Variants in PATJ observed in about 807,000 individuals in gnomAD.
The protein encoded by PATJ is PATJ crumbs cell polarity complex component.
A neutral mutation model predicts 224.9 loss-of-function variants in PATJ; 190 were observed. The observed-to-expected ratio is 0.84, with a 90% CI of 0.75 to 0.95. PATJ has a LOEUF of 0.95. Ranked by LOEUF, PATJ falls within the 40% of genes least tolerant of loss-of-function variation. The probability of loss-of-function intolerance (pLI) is 0.00; values close to 1 mark genes in which losing one functional copy is unlikely to be tolerated. For missense variants in PATJ, 2,121 were observed against 2,270.3 expected (o/e 0.93, Z 1.34); for synonymous variants, 769 against 820.3 (o/e 0.94, Z 1.07).
intron 43 of PATJ, among the ~76,000 whole-genome samples, chr1:62,153,797 G>T (rs72917674): frequency 5.1e-4 from 77 of 152,264 alleles, no homozygotes; most frequent in African/African-American, 1.6e-3. Context: ...TGGAAGTATT[G>T]TTCTGAGCTA....
intron 24 of PATJ, among the ~76,000 whole-genome samples, chr1:61,903,935 G>T (rs1671538515): frequency 6.6e-6 from 1 of 151,892 alleles, no homozygotes; most frequent in South Asian, 2.1e-4. Flanking sequence ...ACCACGCCCG[G>T]CTAATTTTTG....
chr1:61,808,910 T>C (rs1654125963), intron 14 of PATJ, among the ~76,000 whole-genome samples: 1 of 152,194 alleles, frequency 6.6e-6, no homozygotes, highest in Admixed American at 6.5e-5. Context: ...AGAGGTAGTA[T>C]GCAGAGTAAC....
At chr1:61,868,694 C>T (rs1244073913) in intron 20 of PATJ, among the ~76,000 whole-genome samples, 6 of 151,950 alleles carry the variant, frequency 3.9e-5, no homozygotes, top group African/African-American at 1.5e-4. Flanking sequence ...GAGGCTGAGC[C>T]AGGAGAATCG....
At chr1:61,787,126 G>A (rs1367002782) in intron 7 of PATJ, among the ~76,000 whole-genome samples, 1 of 152,110 alleles carries the variant, frequency 6.6e-6, no homozygotes, top group Non-Finnish European at 1.5e-5. Context: ...TGCTTCTATT[G>A]TTTCCTCTTC....
At chr1:62,105,585 A>AGCT (rs1662812183) in intron 33 of PATJ, among the ~76,000 whole-genome samples, 1 of 152,156 alleles carries the variant, frequency 6.6e-6, no homozygotes, top group Non-Finnish European at 1.5e-5. Flanking sequence ...CAGTTCAGAG[A>AGCT]AACAAACTCT....
rs368912214 is a variant in PATJ at position 61,759,443 on chromosome 1, T to C, written c.-35-3415T>C. On this transcript the variant is annotated intron_variant, in intron 1 of 43. Coordinates refer to ENST00000642238, the MANE Select transcript of PATJ (RefSeq NM_001350145.3). The stretch of plus-strand genomic sequence containing the variant: ...TTTTTTTTTTGAGACAAAGTCTTGC[T>C]TTGTCACCCAGGCTGGAGTGCAGTG... Among the ~76,000 whole-genome samples the C allele has an allele frequency of 1.7e-3, 258 of 150,016 alleles. 3 individuals carry two copies. The South Asian group carries it at 0.053, about 31-fold the overall frequency.
intron 25 of PATJ, among the ~76,000 whole-genome samples, chr1:61,913,958 G>A (rs759846920): frequency 4.6e-5 from 7 of 152,228 alleles, no homozygotes; most frequent in East Asian, 1.9e-4. Context: ...AGTCTTTTTC[G>A]TCTTCAGCTT....
intron 13 of PATJ, among the ~76,000 whole-genome samples, chr1:61,805,754 A>G (rs1653408185): frequency 6.6e-6 from 1 of 152,182 alleles, no homozygotes; most frequent in Admixed American, 6.5e-5. Context: ...ATTAGGAGAC[A>G]CTCAGTTCGT....
chr1:61,815,619 G>C (rs1655946299), intron 14 of PATJ, among the ~76,000 whole-genome samples: 1 of 152,172 alleles, frequency 6.6e-6, no homozygotes, highest in Non-Finnish European at 1.5e-5. Context: ...TTGGGAGGCT[G>C]AGGCAGAGGA....
At position 62,024,967 on chromosome 1, in the gene PATJ, G is replaced by A. The variant is rs143994379; in HGVS notation, c.3959+7020G>A. Reference sequence around the variant, plus strand: ...CTGTTTCCTACTTCCTTGTCCTCTGGAAGTCTCTTAGTTCCCAACTGTCCC... The same window carrying A: ...CTGTTTCCTACTTCCTTGTCCTCTGAAAGTCTCTTAGTTCCCAACTGTCCC... On this transcript the variant is annotated intron_variant, in intron 29 of 43. Transcript: ENST00000642238. Among the ~76,000 whole-genome samples, 886 of 152,194 alleles carry A rather than the reference G, an allele frequency of 5.8e-3. 9 individuals are homozygous for A. The highest frequency in any genetic ancestry group is 0.021 in the African/African-American group (860 of 41,528).
At chr1:61,750,988 C>CTATTT (rs979890923) in intron 1 of PATJ, among the ~76,000 whole-genome samples, 17 of 150,064 alleles carry the variant, frequency 1.1e-4, no homozygotes, top group Admixed American at 8.7e-4. Context: ...TTTCCCTTTT[C>CTATTT]TATTTTATTT....
intron 4 of PATJ, 24 bp from the exon 5 acceptor site, chr1:61,769,259 T>C: frequency 4.4e-6 from 7 of 1,594,828 alleles, no homozygotes; most frequent in Non-Finnish European, 5.1e-6. Flanking sequence ...CCATTGACTT[T>C]TTTTTTTAAC....
intron 37 of PATJ, among the ~76,000 whole-genome samples, chr1:62,119,668 G>T (rs74823915): frequency 6.6e-6 from 1 of 152,176 alleles, no homozygotes; most frequent in Non-Finnish European, 1.5e-5. Context: ...GGGGCCGGGC[G>T]TGGTGGCTCA....
At chr1:61,940,559 A>G (rs945948013) in intron 27 of PATJ, among the ~76,000 whole-genome samples, 14 of 152,028 alleles carry the variant, frequency 9.2e-5, no homozygotes, top group African/African-American at 3.1e-4. Flanking sequence ...TACTAAAAAT[A>G]CAAAAAATCA....
At chr1:62,092,773 G>A (rs192062833) in intron 33 of PATJ, among the ~76,000 whole-genome samples, 4 of 143,754 alleles carry the variant, frequency 2.8e-5, no homozygotes, top group Admixed American at 6.8e-5. Context: ...GCCAAGTCTC[G>A]CTCTGTCACC....
At chr1:61,903,444 CATGTT>C (rs1409538124) in intron 24 of PATJ, among the ~76,000 whole-genome samples, 1 of 152,200 alleles carries the variant, frequency 6.6e-6, no homozygotes, top group Non-Finnish European at 1.5e-5. Context: ...ATGTTTTAGA[CATGTT>C]AGGCTAAGAT....
intron 10 of PATJ, among the ~76,000 whole-genome samples, chr1:61,796,050 T>C (rs1385945019): frequency 1.3e-5 from 2 of 152,222 alleles, no homozygotes; most frequent in African/African-American, 2.4e-5. Flanking sequence ...TAGTAGAAAT[T>C]AGTTCAATTT....
chr1:62,085,288 G>C (rs1420138243), intron 33 of PATJ, among the ~76,000 whole-genome samples: 1 of 151,904 alleles, frequency 6.6e-6, no homozygotes. Context: ...GGAGGTCGAG[G>C]CTGTAGTGAA....
intron 20 of PATJ, chr1:61,865,248 C>T (rs1365771473): frequency 1.4e-4 from 20 of 144,856 alleles, no homozygotes; most frequent in African/African-American, 2.6e-4. Context: ...CAGGGCCTCT[C>T]TCTGTCGCCC....
Sources: allele counts gnomAD v4.1 joint callset (sites outside exome capture counted in the v4.1 genomes callset), GRCh38; gene constraint gnomAD v4.1.1; transcripts MANE v1.5; gene names NCBI Gene and HGNC (gene_info 2026-07-23, HGNC 2026-07-21).